The following CDH12 variants were observed in gnomAD, a reference collection of about 807,000 sequenced individuals.
CDH12 encodes the protein cadherin 12.
CDH12 carries 41 observed loss-of-function variants against 74.1 expected under a neutral mutation model. The observed-to-expected ratio is 0.55, with a 90% confidence interval of 0.43 to 0.72. The LOEUF is 0.72. Among genes scored for constraint, CDH12 ranks in the 30% least tolerant of loss-of-function variants. CDH12 has a pLI of 0.00. For missense variants in CDH12, 945 were observed against 977.2 expected (o/e 0.97, Z 0.44); for synonymous variants, 399 against 355.0 (o/e 1.12, Z -1.39).
At chr5:22,068,840 G>T (rs1741742053) in intron 5 of CDH12, among the ~76,000 whole-genome samples, 1 of 152,206 alleles carries the variant, frequency 6.6e-6, no homozygotes, top group Non-Finnish European at 1.5e-5. Flanking sequence ...AAGGGGCCAT[G>T]TTGGCATGAG....
chr5:22,146,489 G>A (rs1312775562), intron 4 of CDH12, among the ~76,000 whole-genome samples: 2 of 151,960 alleles, frequency 1.3e-5, no homozygotes, highest in Non-Finnish European at 2.9e-5. Context: ...AAAAATAGAA[G>A]ATAGAAAAAA....
intron 5 of CDH12, among the ~76,000 whole-genome samples, chr5:22,021,788 G>C (rs968715549): frequency 2.0e-5 from 3 of 152,132 alleles, no homozygotes; most frequent in African/African-American, 7.2e-5. Flanking sequence ...TAGAAAATGC[G>C]GTTCTGTTAT....
intron 4 of CDH12, among the ~76,000 whole-genome samples, chr5:22,191,809 C>T (rs1362028379): frequency 6.6e-6 from 1 of 152,098 alleles, no homozygotes; most frequent in African/African-American, 2.4e-5. Context: ...CGTGATCCGC[C>T]CGCCTCGGCC....
At chr5:22,393,418 G>A (rs1411309665) in intron 3 of CDH12, among the ~76,000 whole-genome samples, 1 of 152,124 alleles carries the variant, frequency 6.6e-6, no homozygotes, top group African/African-American at 2.4e-5. Context: ...CTAACATTGT[G>A]AGAGAATATA....
chr5:22,113,978 T>A (rs940310247), intron 4 of CDH12, among the ~76,000 whole-genome samples: 1 of 152,178 alleles, frequency 6.6e-6, no homozygotes, highest in African/African-American at 2.4e-5. Flanking sequence ...TGGATATTTC[T>A]TCTTTTCCAA....
intron 4 of CDH12, among the ~76,000 whole-genome samples, chr5:22,193,801 G>A (rs1337147653): frequency 1.3e-5 from 2 of 152,072 alleles, no homozygotes; most frequent in African/African-American, 4.8e-5. Flanking sequence ...CTGCAGTAGA[G>A]AATATAGTAA....
intron 3 of CDH12, among the ~76,000 whole-genome samples, chr5:22,249,309 G>A (rs750743004): frequency 5.9e-5 from 9 of 152,184 alleles, no homozygotes; most frequent in Non-Finnish European, 1.0e-4. Context: ...CAGAGGGTAT[G>A]AACTCATAGG....
chr5:22,049,852 C>A (rs1192039835), intron 5 of CDH12, among the ~76,000 whole-genome samples: 1 of 152,050 alleles, frequency 6.6e-6, no homozygotes, highest in Non-Finnish European at 1.5e-5. Flanking sequence ...GATTCTCTTC[C>A]TCAAGTTTAA....
At chr5:22,134,615 T>C (rs1034649088) in intron 4 of CDH12, among the ~76,000 whole-genome samples, 5 of 145,808 alleles carry the variant, frequency 3.4e-5, no homozygotes, top group Non-Finnish European at 7.5e-5. Flanking sequence ...TACAAGAAAG[T>C]GTCTTTTCTT....
intron 5 of CDH12, among the ~76,000 whole-genome samples, chr5:22,037,350 GA>G (rs1397567787): frequency 6.6e-6 from 1 of 152,200 alleles, no homozygotes; most frequent in African/African-American, 2.4e-5. Context: ...ATTTGACTAT[GA>G]AAACAAAGAA....
In CDH12 at chr5:22,774,496, G is replaced by A. The variant is rs139436048; in HGVS notation, c.-523+78562C>T. On this transcript the variant is annotated intron_variant, in intron 1 of 14. Transcript: ENST00000382254. Reference sequence around the variant, plus strand: ...CTTGAATTCCCATGTGTTGTGGGAGGGACCCAATGGGAGGTAATTGAATCA... The same window carrying A: ...CTTGAATTCCCATGTGTTGTGGGAGAGACCCAATGGGAGGTAATTGAATCA... Among the ~76,000 whole-genome samples, 291 of 152,136 alleles carry A rather than the reference G, an allele frequency of 1.9e-3. 2 individuals carry two copies. Among genetic ancestry groups the A allele is most frequent in the African/African-American group, 6.5e-3 (268 of 41,522 alleles).
intron 6 of CDH12, among the ~76,000 whole-genome samples, chr5:21,965,355 C>T (rs1411921634): frequency 1.3e-5 from 2 of 151,974 alleles, no homozygotes; most frequent in Non-Finnish European, 1.5e-5. Flanking sequence ...TTCCGGCTGC[C>T]ACCAATTGCT....
intron 3 of CDH12, among the ~76,000 whole-genome samples, chr5:22,318,785 A>G (rs1026930694): frequency 6.6e-6 from 1 of 152,162 alleles, no homozygotes; most frequent in Admixed American, 6.6e-5. Flanking sequence ...ATGTGTGTGA[A>G]CATATTTGTC....
At chr5:22,562,730 T>C (rs1407482538) in intron 1 of CDH12, among the ~76,000 whole-genome samples, 1 of 151,246 alleles carries the variant, frequency 6.6e-6, no homozygotes, top group Non-Finnish European at 1.5e-5. Flanking sequence ...TACAACAAAA[T>C]GCTAAATATG....
At chr5:21,935,080 C>T (rs1258838984) in intron 6 of CDH12, among the ~76,000 whole-genome samples, 2 of 152,114 alleles carry the variant, frequency 1.3e-5, no homozygotes, top group African/African-American at 4.8e-5. Flanking sequence ...GCCAACGTGC[C>T]CGGCCCCTTT....
intron 4 of CDH12, among the ~76,000 whole-genome samples, chr5:22,126,316 G>C (rs903335252): frequency 6.6e-6 from 1 of 152,076 alleles, no homozygotes; most frequent in African/African-American, 2.4e-5. Flanking sequence ...CTTCTGTCCT[G>C]TAGATACATA....
chr5:22,520,037 T>G (rs1369114376), intron 1 of CDH12, among the ~76,000 whole-genome samples: 4 of 152,124 alleles, frequency 2.6e-5, no homozygotes, highest in Non-Finnish European at 5.9e-5. Flanking sequence ...GAGAAAAAGC[T>G]ATAACCAAAG....
chr5:22,285,046 T>C (rs1023459309), intron 3 of CDH12, among the ~76,000 whole-genome samples: 4 of 150,652 alleles, frequency 2.7e-5, no homozygotes, highest in Non-Finnish European at 5.9e-5. Context: ...GAGGCTAAAA[T>C]AACATGCATT....
intron 6 of CDH12, among the ~76,000 whole-genome samples, chr5:21,921,012 T>G (rs1053520508): frequency 7.2e-5 from 11 of 152,188 alleles, no homozygotes; most frequent in Non-Finnish European, 1.2e-4. Flanking sequence ...GCTGCTCACA[T>G]TTTAGGAAGC....
Sources: gnomAD v4.1 joint callset for allele counts (sites outside exome capture counted in the v4.1 genomes callset) on GRCh38, gnomAD v4.1.1 for gene constraint, MANE v1.5 for transcripts, NCBI Gene and HGNC (gene_info 2026-07-23, HGNC 2026-07-21) for gene names.